The following COL11A1 variants were observed in gnomAD, a reference collection of about 807,000 sequenced individuals.
COL11A1 encodes the protein collagen alpha-1(XI) chain.
In COL11A1, 74 loss-of-function variants were observed where a neutral mutation model predicts 265.2. That is an observed-to-expected ratio of 0.28 (90% confidence interval 0.23 to 0.34). COL11A1 has a LOEUF of 0.34. Among genes scored for constraint, COL11A1 ranks in the 10% least tolerant of loss-of-function variants. The pLI is 1.00. For missense variants in COL11A1, 2,165 were observed against 2,263.6 expected (o/e 0.96, Z 0.88); for synonymous variants, 816 against 727.6 (o/e 1.12, Z -1.96).
intron 11 of COL11A1, among the ~76,000 whole-genome samples, 171 bp downstream of exon 11, chr1:103,017,649 T>G (rs1666670714): frequency 6.6e-6 from 1 of 152,174 alleles, no homozygotes; most frequent in Admixed American, 6.6e-5. Flanking sequence ...TTTTCCTCAC[T>G]TCAAAATAAT....
At chr1:102,962,120 T>A in intron 40 of COL11A1, 56 bp downstream of exon 40, 1 of 1,401,780 alleles carries the variant, frequency 7.1e-7, no homozygotes, top group Non-Finnish European at 1.0e-6. Flanking sequence ...TGAGAAAAAA[T>A]GCTTCTAATA....
chr1:102,879,942 C>A, intron 65 of COL11A1, 26 bp from the exon 66 acceptor site: 1 of 1,416,542 alleles, frequency 7.1e-7, no homozygotes, highest in Non-Finnish European at 1.0e-6. Flanking sequence ...TAAAAAGACA[C>A]CTAATGACTC....
chr1:103,098,445 T>G (rs1673967688), intron 1 of COL11A1, among the ~76,000 whole-genome samples: 1 of 151,932 alleles, frequency 6.6e-6, no homozygotes, highest in Admixed American at 6.6e-5. Context: ...AAAGCATCTA[T>G]GCTTTGATGT....
chr1:103,100,955 C>T (rs557452253), intron 1 of COL11A1, among the ~76,000 whole-genome samples: 3 of 151,962 alleles, frequency 2.0e-5, no homozygotes, highest in East Asian at 3.9e-4. Flanking sequence ...ATGACAGAAC[C>T]TTGTACATAC....
intron 57 of COL11A1, among the ~76,000 whole-genome samples, chr1:102,894,712 CAATA>C (rs1311179160): frequency 6.6e-6 from 1 of 152,050 alleles, no homozygotes; most frequent in Non-Finnish European, 1.5e-5. Context: ...AAACAAACTC[CAATA>C]GAGTTATTTA....
chr1:103,087,991 TATGTAC>T (rs1673012531), intron 1 of COL11A1, among the ~76,000 whole-genome samples: 1 of 152,212 alleles, frequency 6.6e-6, no homozygotes, highest in African/African-American at 2.4e-5. Context: ...TAGGTCCTAA[TATGTAC>T]TTTTTATTGT....
chr1:102,947,169 G>C, intron 41 of COL11A1, among the ~76,000 whole-genome samples: 1 of 152,022 alleles, frequency 6.6e-6, no homozygotes, highest in East Asian at 1.9e-4. Flanking sequence ...GTTGATGTTA[G>C]AAAATATTGA....
rs766020105 is a variant in COL11A1, at chr1:103,078,689, G to A, written c.457C>T (p.Leu153Phe). Residue 153 changes from leucine (L) to phenylalanine (F), a missense_variant, in exon 3 of 67, where the codon CTC (leucine) becomes TTC (phenylalanine). Leu to Phe is a conservative substitution (Grantham distance 22). Transcript: ENST00000370096. ...TCAGCGATGTTAACAGTTCTGAAGA[G>A]GGGATAGTCTTCTGGGGCAGGTTTT... The part of the protein sequence containing the change: ...TGKPAPEDYP[L>F]FRTVNIADGK... 3.1e-6 allele frequency: 5 copies of A among 1,613,404 alleles called. No homozygotes were observed. In the South Asian group the frequency reaches 3.3e-5, roughly 11 times the overall value.
In COL11A1 at chr1:102,923,444, A is replaced by G. The variant is rs1656220686; in HGVS notation, c.3601-55T>C. On this transcript the variant is annotated intron_variant, in intron 46 of 66. Transcript: ENST00000370096. ...AGTCACTGATGTCTTTAAAAAAAAA[A>G]GTTTGGTCAATTTCTAAGATAAAAT... The G allele has an allele frequency of 8.3e-6, 11 of 1,323,080 alleles. No individual in the cohort carries two copies. The Middle Eastern group carries it at 1.4e-3, about 162-fold the overall frequency. 82.0% of individuals were successfully genotyped at this position (1,323,080 alleles called of 1,614,324 possible).
intron 28 of COL11A1, among the ~76,000 whole-genome samples, chr1:102,993,287 A>G (rs1160299111): frequency 2.0e-5 from 3 of 152,078 alleles, no homozygotes; most frequent in Non-Finnish European, 4.4e-5. Flanking sequence ...TCCTTTGTCA[A>G]TTCAGTGAGA....
chr1:102,911,481 G>A (rs888170672), intron 54 of COL11A1, among the ~76,000 whole-genome samples: 2 of 152,092 alleles, frequency 1.3e-5, no homozygotes, highest in Non-Finnish European at 2.9e-5. Context: ...TCATGTGCCG[G>A]TTTGAAAATA....
intron 36 of COL11A1, among the ~76,000 whole-genome samples, chr1:102,972,772 T>C (rs1187326133): frequency 2.0e-5 from 3 of 152,160 alleles, no homozygotes; most frequent in Admixed American, 2.0e-4. Flanking sequence ...TGTTTAAGGA[T>C]GTTTTCTCAC....
At chr1:103,014,474 A>G (rs756910264) in intron 13 of COL11A1, 37 bp downstream of exon 13, 1 of 1,512,098 alleles carries the variant, frequency 6.6e-7, no homozygotes, top group South Asian at 1.1e-5. Context: ...ATACAGAGTC[A>G]GTCATCTTGT....
chr1:102,934,368 A>G, intron 46 of COL11A1, 81 bp downstream of exon 46: 2 of 1,005,154 alleles, frequency 2.0e-6, no homozygotes, highest in Non-Finnish European at 3.1e-6. Flanking sequence ...AAAGAAAAAA[A>G]TACTTTGTTT....
intron 57 of COL11A1, among the ~76,000 whole-genome samples, chr1:102,895,310 G>C (rs1190746573): frequency 6.6e-6 from 1 of 152,094 alleles, no homozygotes; most frequent in Non-Finnish European, 1.5e-5. Context: ...TATTTCAATT[G>C]TCTAAATAGG....
At chr1:102,997,753 A>T (rs1664762867) in intron 25 of COL11A1, among the ~76,000 whole-genome samples, 2 of 151,980 alleles carry the variant, frequency 1.3e-5, no homozygotes, top group Admixed American at 1.3e-4. Context: ...AACTGTAGAG[A>T]TTACATAATT....
At chr1:103,042,731 C>CAA (rs1668909734) in intron 4 of COL11A1, among the ~76,000 whole-genome samples, 1 of 151,892 alleles carries the variant, frequency 6.6e-6, no homozygotes, top group Admixed American at 6.6e-5. Context: ...AGTATTTATG[C>CAA]CCCTTGCCCC....
chr1:103,107,401 G>A (rs991835595), intron 1 of COL11A1, among the ~76,000 whole-genome samples: 1 of 151,830 alleles, frequency 6.6e-6, no homozygotes, highest in African/African-American at 2.4e-5. Context: ...GGTGGGGGGA[G>A]TCACTGAAAT....
chr1:102,963,572 G>T (rs984118159), intron 38 of COL11A1, among the ~76,000 whole-genome samples: 1 of 152,018 alleles, frequency 6.6e-6, no homozygotes, highest in East Asian at 1.9e-4. Flanking sequence ...AGATGCTAAG[G>T]TTGTTAAACA....
Sources: gnomAD v4.1 joint callset for allele counts (sites outside exome capture counted in the v4.1 genomes callset) on GRCh38, gnomAD v4.1.1 for gene constraint, MANE v1.5 for transcripts, NCBI Gene and HGNC (gene_info 2026-07-23, HGNC 2026-07-21) for gene names.